Variants in TMCC3 observed in about 807,000 individuals in gnomAD.
TMCC3 encodes the protein transmembrane and coiled-coil domain family 3.
Under a neutral mutation model 40.2 loss-of-function variants are expected in TMCC3, and 28 were observed. That is an observed-to-expected ratio of 0.70 (90% CI 0.52 to 0.95). The LOEUF (loss-of-function observed/expected upper bound fraction) is 0.95, where lower values mean the gene tolerates loss of function less well. TMCC3 is among the 40% of genes least tolerant of loss of function. TMCC3 has a pLI of 0.00. For synonymous variants in TMCC3, 255 were observed against 248.5 expected, an observed-to-expected ratio of 1.03 and a Z score of -0.25; for missense variants, 554 against 615.2, an observed-to-expected ratio of 0.90 and a Z score of 1.05.
intron 1 of TMCC3, among the ~76,000 whole-genome samples, chr12:94,584,756 A>G (rs986432062): frequency 2.6e-5 from 4 of 152,092 alleles, no homozygotes; most frequent in Non-Finnish European, 5.9e-5. Context: ...GAGGAGCACC[A>G]TATAGGAAAA....
At chr12:94,598,424 C>T (rs998802984) in intron 1 of TMCC3, 8 of 191,946 alleles carry the variant, frequency 4.2e-5, no homozygotes, top group Non-Finnish European at 7.7e-5. Flanking sequence ...AACAGAAGAA[C>T]AAAAACAGAC....
intron 1 of TMCC3, among the ~76,000 whole-genome samples, chr12:94,620,302 T>C (rs1300509517): frequency 6.6e-6 from 1 of 151,756 alleles, no homozygotes. Context: ...ATTATTTTTT[T>C]TTTGAGACAG....
At chr12:94,611,719 T>C (rs2068816933) in intron 1 of TMCC3, among the ~76,000 whole-genome samples, 1 of 151,678 alleles carries the variant, frequency 6.6e-6, no homozygotes, top group Non-Finnish European at 1.5e-5. Context: ...TTATAATACC[T>C]AATACAATGT....
intron 1 of TMCC3, among the ~76,000 whole-genome samples, chr12:94,616,692 G>C (rs1436650187): frequency 6.6e-6 from 1 of 152,194 alleles, no homozygotes; most frequent in African/African-American, 2.4e-5. Context: ...AAGAGGAAAG[G>C]GGGAGGGGAA....
rs72186655 is a variant in TMCC3 at position 94,590,260 on chromosome 12, ATTTTTTT to A, written c.79-7729_79-7723del. ...AGGTGAGTGCCACCACGCCCTGCTA[ATTTTTTT>A]TTTTTTTTTTTTTTTTTTAGAAGAG... On this transcript the variant is annotated intron_variant, in intron 1 of 3. Coordinates refer to ENST00000261226, the MANE Select transcript of TMCC3 (RefSeq NM_020698.4). 5.9e-5 allele frequency among the ~76,000 whole-genome samples: 5 copies of A among 85,360 alleles called. No individual in the cohort carries two copies. In the East Asian group the frequency reaches 9.8e-4, roughly 17 times the overall value. The allele number at this position is 85,360 out of a possible 152,430, so 56.0% of individuals were successfully genotyped here. A position where few individuals can be genotyped will look rare whatever the true frequency, so the allele number is the denominator to read the frequency against.
chr12:94,605,286 G>A (rs1308708162), intron 1 of TMCC3, among the ~76,000 whole-genome samples: 1 of 152,044 alleles, frequency 6.6e-6, no homozygotes, highest in African/African-American at 2.4e-5. Context: ...AAGAAAAGGA[G>A]GCTTATCTTA....
At position 94,581,922 on chromosome 12, in the gene TMCC3, G is replaced by A. The variant is rs17854038; in HGVS notation, c.695C>T (p.Pro232Leu). ...HLKNSLEEFR[P>L]EASARAYGGS... Reference sequence around the variant, plus strand: ...CCCGTAGGCCCTGGCACTCGCCTCTGGCCTAAACTCCTCTAAGGAATTTTT... The same window carrying A: ...CCCGTAGGCCCTGGCACTCGCCTCTAGCCTAAACTCCTCTAAGGAATTTTT... The change falls in exon 2 of 4, where the codon CCA becomes CTA. Residue 232 changes from proline (P) to leucine (L), a missense_variant. By Grantham distance (98) the Pro-to-Leu change is moderately conservative. Transcript: ENST00000261226. 2 of 1,614,094 alleles carry A rather than the reference G, an allele frequency of 1.2e-6. No homozygotes were observed. Among genetic ancestry groups the A allele is most frequent in the Non-Finnish European group, 1.7e-6 (2 of 1,180,038 alleles).
intron 1 of TMCC3, among the ~76,000 whole-genome samples, chr12:94,640,644 C>A (rs1031216808): frequency 6.6e-6 from 1 of 152,146 alleles, no homozygotes; most frequent in East Asian, 1.9e-4. Flanking sequence ...GGCTGTGTGT[C>A]GTAGATGTGG....
At chr12:94,640,328 T>C (rs749497319) in intron 1 of TMCC3, among the ~76,000 whole-genome samples, 26 of 152,108 alleles carry the variant, frequency 1.7e-4, no homozygotes, top group Admixed American at 9.8e-4. Context: ...AGAGCATATG[T>C]ATGCATCACC....
chr12:94,580,636 T>C (rs1208441662), intron 2 of TMCC3, among the ~76,000 whole-genome samples: 2 of 151,988 alleles, frequency 1.3e-5, no homozygotes, highest in South Asian at 4.2e-4. Context: ...TCGGGAGGCT[T>C]AGGCAGGAGG....
Position 94,650,335 on chromosome 12 carries a change from C to A in TMCC3, c.78+18G>T, listed in dbSNP as rs1395344459. ...CGGGCCCGCGCGCACCCGCCGCCCC[C>A]CAGCCCGCTGCGCTCACCCGGCTCT... On this transcript the variant is annotated intron_variant, in intron 1 of 3. Transcript: ENST00000261226. 9.3e-6 allele frequency: 12 copies of A among 1,286,434 alleles called. No homozygotes were observed. Among genetic ancestry groups the A allele is most frequent in the Middle Eastern group, 3.0e-4 (1 of 3,372 alleles). The allele number at this position is 1,286,434 out of a possible 1,614,324, so 79.7% of individuals were successfully genotyped here. A position where few individuals can be genotyped will look rare whatever the true frequency, so the allele number is the denominator to read the frequency against.
At chr12:94,637,715 T>A (rs79291167) in intron 1 of TMCC3, among the ~76,000 whole-genome samples, 237 of 152,340 alleles carry the variant, frequency 1.6e-3, no homozygotes, top group Non-Finnish European at 2.9e-3. Flanking sequence ...AATATACCTG[T>A]CCTTTAATAA....
chr12:94,640,558 C>T (rs2068984047), intron 1 of TMCC3, among the ~76,000 whole-genome samples: 1 of 152,122 alleles, frequency 6.6e-6, no homozygotes, highest in Admixed American at 6.5e-5. Context: ...GACACTGATA[C>T]TTTGAAAATA....
chr12:94,586,971 C>T (rs569190335), intron 1 of TMCC3, among the ~76,000 whole-genome samples: 1 of 152,304 alleles, frequency 6.6e-6, no homozygotes, highest in Admixed American at 6.5e-5. Flanking sequence ...TCCTTTTGCC[C>T]TTTTATAACC....
intron 1 of TMCC3, among the ~76,000 whole-genome samples, chr12:94,590,458 T>C: frequency 6.6e-6 from 1 of 152,014 alleles, no homozygotes; most frequent in East Asian, 1.9e-4. Flanking sequence ...TTACAATCAC[T>C]AAGAGGAGAG....
chr12:94,622,733 T>G (rs746431965), intron 1 of TMCC3, among the ~76,000 whole-genome samples: 1 of 151,662 alleles, frequency 6.6e-6, no homozygotes, highest in East Asian at 1.9e-4. Context: ...TTTGTTGCCA[T>G]GGAACCCAAT....
At chr12:94,624,349 A>C (rs186591062) in intron 1 of TMCC3, among the ~76,000 whole-genome samples, 81 of 152,342 alleles carry the variant, frequency 5.3e-4, no homozygotes, top group Non-Finnish European at 1.0e-3. Context: ...TAGCAACATT[A>C]TTCTTCATAG....
At chr12:94,618,282 TC>T (rs969779313) in intron 1 of TMCC3, among the ~76,000 whole-genome samples, 4 of 152,214 alleles carry the variant, frequency 2.6e-5, no homozygotes, top group Admixed American at 6.5e-5. Context: ...ATATTTTGTT[TC>T]ATCTCCAGCT....
intron 1 of TMCC3, chr12:94,615,967 T>C (rs2138864103): frequency 1.0e-6 from 1 of 985,424 alleles, no homozygotes; most frequent in Non-Finnish European, 1.2e-6. Context: ...GATCGGCAGC[T>C]AGCTCACCCT....
Sources: gnomAD v4.1 joint callset for allele counts (sites outside exome capture counted in the v4.1 genomes callset) on GRCh38, gnomAD v4.1.1 for gene constraint, MANE v1.5 for transcripts, NCBI Gene and HGNC (gene_info 2026-07-23, HGNC 2026-07-21) for gene names.